Variants in PAPOLA observed in about 807,000 individuals in gnomAD.
PAPOLA encodes the protein poly(A) polymerase alpha, also known as polynucleotide adenylyltransferase alpha.
A neutral mutation model predicts 100.6 loss-of-function variants in PAPOLA; 15 were observed. That is an observed-to-expected ratio of 0.15 (90% confidence interval 0.10 to 0.23). The LOEUF (loss-of-function observed/expected upper bound fraction) is 0.23. Ranked by LOEUF, PAPOLA falls within the 10% of genes least tolerant of loss-of-function variation. PAPOLA has a pLI of 1.00. For missense variants in PAPOLA, 533 were observed against 884.2 expected (o/e 0.60, Z 5.04); for synonymous variants, 293 against 300.0 (o/e 0.98, Z 0.24).
At chr14:96,509,173 A>T (rs547911876) in intron 1 of PAPOLA, among the ~76,000 whole-genome samples, 112 of 152,230 alleles carry the variant, frequency 7.4e-4, no homozygotes, top group African/African-American at 2.7e-3. Flanking sequence ...CTGGGACTAC[A>T]GGCACGCACC....
intron 1 of PAPOLA, among the ~76,000 whole-genome samples, chr14:96,517,112 A>G (rs1197509873): frequency 6.6e-6 from 1 of 152,230 alleles, no homozygotes; most frequent in Non-Finnish European, 1.5e-5. Context: ...CTACAAAAGT[A>G]TAATTTCAGC....
chr14:96,520,490 C>T (rs1897862309), intron 2 of PAPOLA, among the ~76,000 whole-genome samples: 1 of 152,134 alleles, frequency 6.6e-6, no homozygotes, highest in Admixed American at 6.5e-5. Context: ...ATTCTCCTGC[C>T]TCAGCCTCTC....
intron 1 of PAPOLA, among the ~76,000 whole-genome samples, chr14:96,513,645 GT>G (rs1334689860): frequency 6.6e-6 from 1 of 152,114 alleles, no homozygotes; most frequent in Admixed American, 6.5e-5. Flanking sequence ...AACATTGGAG[GT>G]TTTTTGTCTT....
At chr14:96,557,869 A>ACTTACGAT (rs1175418846) in intron 19 of PAPOLA, among the ~76,000 whole-genome samples, 1 of 152,054 alleles carries the variant, frequency 6.6e-6, no homozygotes, top group African/African-American at 2.4e-5. Context: ...CCCCCAGATT[A>ACTTACGAT]CTTACGATGC....
rs1005177486 is a variant in PAPOLA at position 96,564,972 on chromosome 14, C to G, written c.2160C>G (p.Asp720Glu). 6.4e-7 allele frequency: 1 copy of G among 1,571,606 alleles called. No individual in the cohort carries two copies. Among genetic ancestry groups the G allele is most frequent in the Non-Finnish European group, 8.8e-7 (1 of 1,141,646 alleles). The change falls in exon 22 of 22, where the codon GAC (aspartate) becomes GAG (glutamate). Residue 720 changes from aspartate to glutamate, a missense_variant. Around this residue, in one of 9 missense-constraint regions of PAPOLA, gnomAD observed 242 missense variants for 281.0 expected, o/e 0.86. Transcript: ENST00000216277. Reference protein sequence around the residue: ...LLASQKTSSTDLSDIPALPAN... With the variant: ...LLASQKTSSTELSDIPALPAN... ...ATTCTCAGAAAACATCCAGTACAGA[C>G]CTTTCTGATATCCCTGCTCTCCCTG...
chr14:96,539,860 G>T (rs1899840056), intron 12 of PAPOLA, among the ~76,000 whole-genome samples: 1 of 151,908 alleles, frequency 6.6e-6, no homozygotes, highest in African/African-American at 2.4e-5. Flanking sequence ...ATTTTGTTTT[G>T]TAAATGAATT....
In PAPOLA at chr14:96,535,912, A is replaced by G. The variant is rs745444088; in HGVS notation, c.943A>G (p.Ile315Val). Reference sequence around the variant, plus strand: ...CAGTGATAGGTACCATCTTATGCCTATAATTACACCAGCATACCCACAACA... The same window carrying G: ...CAGTGATAGGTACCATCTTATGCCTGTAATTACACCAGCATACCCACAACA... ...NPSDRYHLMPIITPAYPQQNS... is the reference protein window; with the variant it reads ...NPSDRYHLMPVITPAYPQQNS... Residue 315 changes from isoleucine to valine, a missense_variant, in exon 11 of 22, where the codon ATA (isoleucine) becomes GTA (valine). This residue lies in a region of PAPOLA where 87 missense variants were observed against 173.3 expected (regional missense o/e 0.50). Coordinates refer to ENST00000216277, the MANE Select transcript of PAPOLA (RefSeq NM_032632.5). 3.3e-5 allele frequency: 53 copies of G among 1,607,048 alleles called. No individual in the cohort carries two copies. In the Admixed American group the frequency reaches 3.5e-4, roughly 11 times the overall value.
chr14:96,537,901 TTCA>T (rs1488170574), intron 12 of PAPOLA: 1 of 152,032 alleles, frequency 6.6e-6, no homozygotes, highest in Non-Finnish European at 1.5e-5. Context: ...AATGATGACC[TTCA>T]TGATGTCTCT....
chr14:96,526,656 T>A, intron 4 of PAPOLA: 1 of 152,750 alleles, frequency 6.5e-6, no homozygotes, highest in African/African-American at 2.4e-5. Context: ...TCTTTAACCA[T>A]GAACTGTATC....
In PAPOLA at chr14:96,507,885, G is replaced by A. The variant is rs193171189; in HGVS notation, c.8+5285G>A. On this transcript the variant is annotated intron_variant, in intron 1 of 21. Coordinates refer to ENST00000216277, the MANE Select transcript of PAPOLA (RefSeq NM_032632.5). ...CACCTCTGGTGTTTTTTTGTTTTTC[G>A]TTTTTCTTGAGATGGAGTCTTGCTC... 2.3e-4 allele frequency among the ~76,000 whole-genome samples: 35 copies of A among 151,886 alleles called. No homozygotes were observed. In the Middle Eastern group the frequency reaches 0.01, roughly 44 times the overall value.
chr14:96,510,083 ATTTC>A (rs1897009592), intron 1 of PAPOLA, among the ~76,000 whole-genome samples: 1 of 149,718 alleles, frequency 6.7e-6, no homozygotes, highest in Non-Finnish European at 1.5e-5. Flanking sequence ...ATTCTGTTAG[ATTTC>A]TTTCTTCCTC....
At chr14:96,503,154 C>T (rs115855678) in intron 1 of PAPOLA, among the ~76,000 whole-genome samples, 1 of 152,350 alleles carries the variant, frequency 6.6e-6, no homozygotes, top group African/African-American at 2.4e-5. Flanking sequence ...AATGTAGGAG[C>T]ACGAGTTAAA....
intron 12 of PAPOLA, chr14:96,537,325 A>G: frequency 7.2e-6 from 3 of 417,872 alleles, no homozygotes; most frequent in Non-Finnish European, 1.3e-5. Flanking sequence ...CAGTCATGAC[A>G]AAAACAGTAC....
chr14:96,552,837 C>G (rs1900958350), intron 17 of PAPOLA: 2 of 519,462 alleles, frequency 3.9e-6, no homozygotes, highest in African/African-American at 3.8e-5. Flanking sequence ...CTGATAATGT[C>G]TTCAGTCAGA....
intron 19 of PAPOLA, 83 bp downstream of exon 19, chr14:96,556,496 C>A (rs1309487097): frequency 3.3e-6 from 3 of 914,096 alleles, no homozygotes; most frequent in African/African-American, 3.3e-5. Flanking sequence ...AGTTTATGAA[C>A]CAAAATAGAG....
intron 1 of PAPOLA, among the ~76,000 whole-genome samples, chr14:96,513,591 T>A (rs755432847): frequency 6.6e-6 from 1 of 152,242 alleles, no homozygotes; most frequent in Non-Finnish European, 1.5e-5. Context: ...ACAAGTTTGC[T>A]TTCATCGTGA....
intron 1 of PAPOLA, among the ~76,000 whole-genome samples, chr14:96,503,870 G>A (rs919988083): frequency 6.6e-6 from 1 of 152,110 alleles, no homozygotes; most frequent in African/African-American, 2.4e-5. Context: ...AGACCTTAAT[G>A]ACTTCTATCG....
At chr14:96,537,311 A>C (rs867168414) in intron 12 of PAPOLA, 5 of 448,868 alleles carry the variant, frequency 1.1e-5, no homozygotes, top group African/African-American at 7.8e-5. Flanking sequence ...CTGTAGGCAT[A>C]CATCAGTCAT....
chr14:96,502,692 G>T (rs1896374856), intron 1 of PAPOLA, 92 bp downstream of exon 1: 2 of 1,423,160 alleles, frequency 1.4e-6, no homozygotes, highest in Admixed American at 2.4e-5. Context: ...AGGGTGGCAC[G>T]CGAGCCCGAC....
Sources: allele counts gnomAD v4.1 joint callset (sites outside exome capture counted in the v4.1 genomes callset), GRCh38; gene constraint gnomAD v4.1.1; regional missense constraint gnomAD v4.1.1; transcripts MANE v1.5; gene names NCBI Gene and HGNC (gene_info 2026-07-23, HGNC 2026-07-21).